Variants in KBTBD11 observed in about 807,000 individuals in gnomAD.
KBTBD11 encodes kelch repeat and BTB domain containing 11.
For missense variants in KBTBD11, 1,390 were observed against 1,001.8 expected (o/e 1.39, Z -5.23); for synonymous variants, 747 against 499.0 (o/e 1.50, Z -6.63).
Position 2,001,858 on chromosome 8 carries a change from C to G in KBTBD11, c.666C>G (p.Arg222=), listed in dbSNP as rs1468344911. ...RRLQLPGAAQ[R]ATDAVGPQLS... ...TGCAGCTGCCCGGCGCCGCGCAGCG[C>G]GCCACCGACGCCGTGGGGCCGCAGC... Residue 222 remains arginine, a synonymous_variant, in exon 2 of 2, where the codon CGC becomes CGG. Coordinates refer to ENST00000320248, the MANE Select transcript of KBTBD11 (RefSeq NM_014867.3). The G allele has an allele frequency of 1.6e-6, 2 of 1,286,346 alleles. No homozygotes were observed. Among genetic ancestry groups the G allele is most frequent in the African/African-American group, 3.2e-5 (2 of 63,342 alleles). The allele number at this position is 1,286,346 out of a possible 1,614,324, so 79.7% of individuals were successfully genotyped here. A position where few individuals can be genotyped will look rare whatever the true frequency, so the allele number is the denominator to read the frequency against.
chr8:1,986,640 G>T (rs893000746), intron 1 of KBTBD11, among the ~76,000 whole-genome samples: 1 of 152,162 alleles, frequency 6.6e-6, no homozygotes, highest in African/African-American at 2.4e-5. Flanking sequence ...CTTACCTGGT[G>T]ATTAACTGTA....
rs1664936998 is a variant in KBTBD11 at position 2,003,273 on chromosome 8, G to A, written c.*209G>A. On this transcript the variant is annotated 3_prime_UTR_variant, in exon 2 of 2. Coordinates refer to ENST00000320248, the MANE Select transcript of KBTBD11 (RefSeq NM_014867.3). Reference sequence around the variant, plus strand: ...TTGCTTCTGGGGGTGGATGCCTTGAGACCCAGGAGGTGTGCGGATGGGTCC... The same window carrying A: ...TTGCTTCTGGGGGTGGATGCCTTGAAACCCAGGAGGTGTGCGGATGGGTCC... 1.4e-6 allele frequency: 1 copy of A among 714,604 alleles called. No homozygotes were observed. The highest frequency in any genetic ancestry group is 2.0e-6 in the Non-Finnish European group (1 of 506,792). The allele number at this position is 714,604 out of a possible 1,614,324, so 44.3% of individuals were successfully genotyped here.
intron 1 of KBTBD11, among the ~76,000 whole-genome samples, chr8:1,988,748 C>A (rs1035103976): frequency 2.0e-5 from 3 of 152,206 alleles, no homozygotes; most frequent in East Asian, 3.8e-4. Context: ...GGGGCTGGGA[C>A]CAAGTCTGTC....
At chr8:1,990,029 G>T (rs1816853969) in intron 1 of KBTBD11, among the ~76,000 whole-genome samples, 1 of 126,632 alleles carries the variant, frequency 7.9e-6, no homozygotes, top group Non-Finnish European at 1.6e-5. Flanking sequence ...TGCTAATTTT[G>T]TTCAGTCTTC....
Position 2,004,906 on chromosome 8 carries a change from A to T in KBTBD11, c.*1842A>T, listed in dbSNP as rs1293074011. 2 of 167,094 alleles carry T rather than the reference A, an allele frequency of 1.2e-5. No individual in the cohort carries two copies. The highest frequency in any genetic ancestry group is 4.8e-5 in the African/African-American group (2 of 41,458). 10.4% of individuals were successfully genotyped at this position (167,094 alleles called of 1,614,324 possible). On this transcript the variant is annotated 3_prime_UTR_variant, in exon 2 of 2. Coordinates refer to ENST00000320248, the MANE Select transcript of KBTBD11 (RefSeq NM_014867.3). ...TGCCTTTTCCTCTAGAATTTTATTAATGGTAGAAATTTTTATATGAAATGG... is the reference window on the plus strand; with the variant it reads ...TGCCTTTTCCTCTAGAATTTTATTATTGGTAGAAATTTTTATATGAAATGG...
Position 1,974,626 on chromosome 8 carries a change from C to T in KBTBD11, c.-909+691C>T, listed in dbSNP as rs930995735. The T allele has an allele frequency of 9.1e-6, 9 of 985,152 alleles. No individual in the cohort carries two copies. In the African/African-American group the frequency reaches 1.2e-4, roughly 13 times the overall value. 61.0% of individuals were successfully genotyped at this position (985,152 alleles called of 1,614,324 possible). ...ACCCACCCGCCCCACCGCGCCGCGG[C>T]TCCCGAGTCCTGCCGGGCGCCCCTT... On this transcript the variant is annotated intron_variant, in intron 1 of 1. Transcript: ENST00000320248.
In KBTBD11 at chr8:2,001,597, G is replaced by A; in HGVS notation, c.405G>A (p.Ala135=). ...CGCCCGTACCCCCGGGGTTCGGGGC[G>A]GTGTACGGGGAGCCGGACCTGGTGC... ...EPAPVPPGFG[A]VYGEPDLVLE... is the part of the protein sequence containing the mutation. Residue 135 remains alanine, a synonymous_variant, in exon 2 of 2, where the codon GCG becomes GCA. Coordinates refer to ENST00000320248, the MANE Select transcript of KBTBD11 (RefSeq NM_014867.3). 6.8e-7 allele frequency: 1 copy of A among 1,466,104 alleles called. No individual in the cohort carries two copies. The highest frequency in any genetic ancestry group is 9.0e-7 in the Non-Finnish European group (1 of 1,114,164). 90.8% of individuals were successfully genotyped at this position (1,466,104 alleles called of 1,614,324 possible). A position where few individuals can be genotyped will look rare whatever the true frequency, so the allele number is the denominator to read the frequency against.
intron 1 of KBTBD11, 132 bp downstream of exon 1, chr8:1,974,067 G>C (rs1816220629): frequency 1.4e-6 from 1 of 712,030 alleles, no homozygotes; most frequent in East Asian, 1.4e-4. Context: ...GGGGAGAAAA[G>C]GGGAGGCCGG....
intron 1 of KBTBD11, among the ~76,000 whole-genome samples, chr8:1,977,235 G>T (rs558599577): frequency 6.6e-6 from 1 of 152,266 alleles, no homozygotes; most frequent in Admixed American, 6.5e-5. Context: ...TAATTTTGTA[G>T]CATGGAGACT....
At chr8:1,974,040 A>G in intron 1 of KBTBD11, 105 bp downstream of exon 1, 1 of 825,644 alleles carries the variant, frequency 1.2e-6, no homozygotes, top group Non-Finnish European at 1.5e-6. Flanking sequence ...GGTCGGCGAG[A>G]GCGGCAGTAG....
At chr8:1,998,777 C>T (rs185082682) in intron 1 of KBTBD11, among the ~76,000 whole-genome samples, 1 of 143,410 alleles carries the variant, frequency 7.0e-6, no homozygotes, top group Non-Finnish European at 1.5e-5. Flanking sequence ...TAGATTTGCT[C>T]TCTCTCTCCT....
intron 1 of KBTBD11, among the ~76,000 whole-genome samples, chr8:1,979,369 C>G (rs965916846): frequency 1.3e-5 from 2 of 152,246 alleles, no homozygotes; most frequent in Non-Finnish European, 2.9e-5. Context: ...GTGGCTCACG[C>G]CTGTAATCCC....
At chr8:1,982,632 C>T (rs1217629315) in intron 1 of KBTBD11, among the ~76,000 whole-genome samples, 2 of 152,110 alleles carry the variant, frequency 1.3e-5, no homozygotes, top group East Asian at 3.9e-4. Flanking sequence ...AAATCCACTT[C>T]AAGTTAAAAC....
intron 1 of KBTBD11, chr8:1,974,267 C>T (rs950366103): frequency 9.2e-6 from 9 of 979,180 alleles, no homozygotes; most frequent in Non-Finnish European, 1.1e-5. Context: ...TCTCCACAGG[C>T]CCTCCCCCGG....
chr8:1,983,882 A>G (rs372240283), intron 1 of KBTBD11, among the ~76,000 whole-genome samples: 78 of 152,192 alleles, frequency 5.1e-4, no homozygotes, highest in African/African-American at 1.8e-3. Flanking sequence ...GTAATCCCAG[A>G]ACTTTGGGAG....
intron 1 of KBTBD11, among the ~76,000 whole-genome samples, chr8:1,980,715 C>G (rs1816512576): frequency 6.6e-6 from 1 of 152,226 alleles, no homozygotes. Context: ...GGAGGTGGCA[C>G]CACGCAGCCG....
chr8:2,001,267 G>A lies in KBTBD11; in HGVS notation c.75G>A (p.Glu25=). The A allele has an allele frequency of 6.6e-7, 1 of 1,516,672 alleles. No individual in the cohort carries two copies. The highest frequency in any genetic ancestry group is 2.0e-5 in the Admixed American group (1 of 50,750). 94.0% of individuals were successfully genotyped at this position (1,516,672 alleles called of 1,614,324 possible). Residue 25 remains glutamate, a synonymous_variant, in exon 2 of 2, where the codon GAG becomes GAA. Transcript: ENST00000320248. ...EPGAAGESES[E]GAASPAQTPC... The stretch of plus-strand genomic sequence containing the variant: ...GGGCTGCCGGGGAGAGCGAGAGCGA[G>A]GGCGCCGCGTCCCCGGCGCAGACAC...
chr8:1,991,467 C>G (rs1475894354), intron 1 of KBTBD11, among the ~76,000 whole-genome samples: 5 of 152,354 alleles, frequency 3.3e-5, no homozygotes, highest in African/African-American at 1.2e-4. Flanking sequence ...GTCCTCTTCC[C>G]ATTTTTAAGT....
At chr8:1,984,052 C>T (rs1313925625) in intron 1 of KBTBD11, among the ~76,000 whole-genome samples, 1 of 152,292 alleles carries the variant, frequency 6.6e-6, no homozygotes, top group East Asian at 1.9e-4. Context: ...ATCACTTGAA[C>T]CTGGGTGGTA....
Sources: gnomAD v4.1 joint callset for allele counts (sites outside exome capture counted in the v4.1 genomes callset) on GRCh38, gnomAD v4.1.1 for gene constraint, MANE v1.5 for transcripts, NCBI Gene and HGNC (gene_info 2026-07-23, HGNC 2026-07-21) for gene names.